USP35: variants seen among roughly 807,000 people sequenced by gnomAD.
USP35 encodes the protein ubiquitin carboxyl-terminal hydrolase 35.
A neutral mutation model predicts 83.8 loss-of-function variants in USP35; 69 were observed. That is an observed-to-expected ratio of 0.82 (90% CI 0.68 to 1.01). The LOEUF (loss-of-function observed/expected upper bound fraction) is 1.01, where lower values mean the gene tolerates loss of function less well. Ranked by LOEUF, USP35 falls within the 50% of genes least tolerant of loss-of-function variation. The probability of loss-of-function intolerance (pLI) is 0.00; values close to 1 mark genes in which losing one functional copy is unlikely to be tolerated. For missense variants in USP35, 1,503 were observed against 1,362.5 expected, an observed-to-expected ratio of 1.10 and a Z score of -1.62; for synonymous variants, 714 against 589.5, an observed-to-expected ratio of 1.21 and a Z score of -3.06.
At chr11:78,207,765 T>A in intron 8 of USP35, 142 bp downstream of exon 8, 1 of 854,630 alleles carries the variant, frequency 1.2e-6, no homozygotes, top group Non-Finnish European at 1.8e-6. Context: ...CGGGCTGGCA[T>A]ATGGAACTGA....
In USP35 at chr11:78,205,971, C is replaced by T; in HGVS notation, c.1327C>T (p.Leu443Phe). 1.9e-6 allele frequency: 3 copies of T among 1,614,238 alleles called. No homozygotes were observed. The highest frequency in any genetic ancestry group is 2.5e-6 in the Non-Finnish European group (3 of 1,180,042). ...MAKSDTGKIG[L>F]INLGNTCYVN... Reference sequence around the variant, plus strand: ...CAAGTCAGACACGGGCAAGATTGGTCTCATCAACCTGGGCAACACATGCTA... The same window carrying T: ...CAAGTCAGACACGGGCAAGATTGGTTTCATCAACCTGGGCAACACATGCTA... Residue 443 changes from leucine to phenylalanine, a missense_variant, in exon 7 of 11, where the codon CTC becomes TTC. Leu to Phe is a conservative substitution (Grantham distance 22). Transcript: ENST00000529308.
intron 5 of USP35, 127 bp downstream of exon 5, chr11:78,200,361 G>A: frequency 8.7e-7 from 1 of 1,154,404 alleles, no homozygotes; most frequent in Non-Finnish European, 1.3e-6. Flanking sequence ...TCACTTGGCT[G>A]AGGCCAAGCA....
chr11:78,230,576 AC>A, the USP35 span, among the ~76,000 whole-genome samples: 8 of 152,220 alleles, frequency 5.3e-5, no homozygotes, highest in East Asian at 1.5e-3. Context: ...GTGTCTTTCC[AC>A]TTCTACCAGA....
rs202023946 is a variant in USP35 at position 78,209,677 on chromosome 11, C to T, written c.1822C>T (p.Arg608Cys). The T allele has an allele frequency of 8.0e-4, 1,285 of 1,613,904 alleles. 2 individuals are homozygous for T. Among genetic ancestry groups the T allele is most frequent in the South Asian group, 2.3e-3 (213 of 91,050 alleles). The change falls in exon 10 of 11, where the codon CGC becomes TGC. Residue 608 changes from arginine to cysteine, a missense_variant. Physicochemically the swap from Arg to Cys is radical, Grantham distance 180. Coordinates refer to ENST00000529308, the MANE Select transcript of USP35 (RefSeq NM_020798.4). The stretch of plus-strand genomic sequence containing the variant: ...CTTCCCTCCTCCTGAGCGCTGTCGC[C>T]GCCGCCGCCTGGGCTCTGTGATGCG... ...LAFPPPERCR[R>C]RRLGSVMRPT... is the part of the protein sequence containing the mutation.
At chr11:78,197,426 C>G (rs1863187889) in intron 2 of USP35, among the ~76,000 whole-genome samples, 1 of 152,082 alleles carries the variant, frequency 6.6e-6, no homozygotes, top group Non-Finnish European at 1.5e-5. Context: ...CTTGATCCTC[C>G]ATTGACAACA....
intron 6 of USP35, among the ~76,000 whole-genome samples, chr11:78,203,024 G>A (rs1189640030): frequency 2.0e-5 from 3 of 152,132 alleles, no homozygotes; most frequent in Admixed American, 6.5e-5. Context: ...CCTGCCCCGG[G>A]CACTGAGGAA....
Position 78,213,877 on chromosome 11 carries a change from T to C in USP35, c.*64T>C, listed in dbSNP as rs942369595. The stretch of plus-strand genomic sequence containing the variant: ...GCCAGGTAGGGCCTGAGGGAAGCTG[T>C]GGAGGCAGGCCCTACCAAGAGGAAG... On this transcript the variant is annotated 3_prime_UTR_variant, in exon 11 of 11. Transcript: ENST00000529308. The C allele has an allele frequency of 5.9e-6, 9 of 1,515,924 alleles. No individual in the cohort carries two copies. In the African/African-American group the frequency reaches 1.2e-4, roughly 20 times the overall value. 93.9% of individuals were successfully genotyped at this position (1,515,924 alleles called of 1,614,324 possible).
chr11:78,200,035 G>C lies in USP35; in HGVS notation c.937-98G>C, dbSNP rs1200463000. ...AGTGTTGATCCCTCTGCATGGGTTT[G>C]AACTCTAGGGTGTCTCTGAGTCCCC... On this transcript the variant is annotated intron_variant, in intron 4 of 10. Transcript: ENST00000529308. 17 of 1,336,654 alleles carry C rather than the reference G, an allele frequency of 1.3e-5. No individual in the cohort carries two copies. In the African/African-American group the frequency reaches 2.2e-4, roughly 17 times the overall value. The allele number at this position is 1,336,654 out of a possible 1,614,324, so 82.8% of individuals were successfully genotyped here.
chr11:78,223,580 G>C, the USP35 span: 16 of 1,613,592 alleles, frequency 9.9e-6, no homozygotes, highest in Non-Finnish European at 1.3e-5. Context: ...TCACCTGCTC[G>C]TTCCATGGCC....
intron 6 of USP35, 56 bp from the exon 7 acceptor site, chr11:78,205,786 T>G: frequency 6.4e-7 from 1 of 1,555,856 alleles, no homozygotes; most frequent in Non-Finnish European, 8.7e-7. Flanking sequence ...AGGTGGTAGT[T>G]TTTTGAGCTG....
Position 78,189,088 on chromosome 11 carries a change from G to C in USP35, c.-80G>C. On this transcript the variant is annotated 5_prime_UTR_variant, in exon 1 of 11. Coordinates refer to ENST00000529308, the MANE Select transcript of USP35 (RefSeq NM_020798.4). ...AGAGGACCAGCCCTGACCTAGCCGG[G>C]CCCAGCCTCGTCCTGCCCGGCCTGA... is the stretch of plus-strand genomic sequence containing the variant. 2.0e-6 allele frequency: 1 copy of C among 510,338 alleles called. No homozygotes were observed. The highest frequency in any genetic ancestry group is 2.5e-6 in the Non-Finnish European group (1 of 395,696). The allele number at this position is 510,338 out of a possible 1,614,324, so 31.6% of individuals were successfully genotyped here.
At position 78,209,941 on chromosome 11, in the gene USP35, G is replaced by A; in HGVS notation, c.2086G>A (p.Glu696Lys). 6.2e-7 allele frequency: 1 copy of A among 1,607,304 alleles called. No homozygotes were observed. Among genetic ancestry groups the A allele is most frequent in the South Asian group, 1.1e-5 (1 of 90,360 alleles). The change falls in exon 10 of 11, where the codon GAG (glutamate) becomes AAG (lysine). Residue 696 changes from glutamate (E) to lysine (K), a missense_variant. Coordinates refer to ENST00000529308, the MANE Select transcript of USP35 (RefSeq NM_020798.4). Reference protein sequence around the residue: ...ERTEKEEVGEEEESTRGEGER... With the variant: ...ERTEKEEVGEKEESTRGEGER... ...AACGGAGAAGGAAGAAGTGGGGGAGGAGGAGGAAAGCACCAGAGGGGAAGG... is the reference window on the plus strand; with the variant it reads ...AACGGAGAAGGAAGAAGTGGGGGAGAAGGAGGAAAGCACCAGAGGGGAAGG...
chr11:78,202,149 TGA>T (rs1262234331), intron 6 of USP35, among the ~76,000 whole-genome samples: 3 of 152,014 alleles, frequency 2.0e-5, no homozygotes, highest in Non-Finnish European at 2.9e-5. Flanking sequence ...AGTGCGTGGC[TGA>T]GATGGCCAAT....
chr11:78,203,539 A>G (rs911243144), intron 6 of USP35, among the ~76,000 whole-genome samples: 1 of 152,182 alleles, frequency 6.6e-6, no homozygotes, highest in African/African-American at 2.4e-5. Flanking sequence ...AGACTCAAGT[A>G]TGTATGTCGT....
the USP35 span, among the ~76,000 whole-genome samples, chr11:78,231,335 T>TGTGGTGTG: frequency 1.1e-5 from 1 of 89,668 alleles, no homozygotes; most frequent in African/African-American, 4.0e-5. Flanking sequence ...CGCGCGTGTG[T>TGTGGTGTG]GGTGTGTGTG....
rs200565562 is a variant in USP35 at position 78,200,150 on chromosome 11, G to A, written c.954G>A (p.Leu318=). 4.3e-6 allele frequency: 7 copies of A among 1,614,194 alleles called. No individual in the cohort carries two copies. The highest frequency in any genetic ancestry group is 5.1e-6 in the Non-Finnish European group (6 of 1,180,020). The change falls in exon 5 of 11, where the codon CTG becomes CTA. Residue 318 remains leucine (L), a synonymous_variant. Transcript: ENST00000529308. ...TCTTGTAGGTTTTCTCTAAGCTGCT[G>A]TACCCCATCGTCCGGGGAGCTGCCT... ...TKIEKVFSKL[L]YPIVRGAALS...
rs763363611 is a variant in USP35, at chr11:78,213,641, C to T, written c.2890-5C>T. 2.7e-6 allele frequency: 4 copies of T among 1,480,642 alleles called. No individual in the cohort carries two copies. Among genetic ancestry groups the T allele is most frequent in the African/African-American group, 1.5e-5 (1 of 67,880 alleles). The allele number at this position is 1,480,642 out of a possible 1,614,324, so 91.7% of individuals were successfully genotyped here. ...GTCTAAGTCTCCTCTCATCTGTGTTCCCAGGAGCAGGAGAAGGAGGCCCGG... is the reference window on the plus strand; with the variant it reads ...GTCTAAGTCTCCTCTCATCTGTGTTTCCAGGAGCAGGAGAAGGAGGCCCGG... On this transcript the variant is annotated splice_polypyrimidine_tract_variant and splice_region_variant and intron_variant, in intron 10 of 10. Coordinates refer to ENST00000529308, the MANE Select transcript of USP35 (RefSeq NM_020798.4).
At chr11:78,205,504 G>A (rs1863503237) in intron 6 of USP35, among the ~76,000 whole-genome samples, 1 of 152,196 alleles carries the variant, frequency 6.6e-6, no homozygotes, top group African/African-American at 2.4e-5. Flanking sequence ...CATTGCCTGA[G>A]CTCTTTTATA....
rs200906718 is a variant in USP35, at chr11:78,209,756, G to C, written c.1901G>C (p.Gly634Ala). 1 of 1,613,898 alleles carries C rather than the reference G, an allele frequency of 6.2e-7. No homozygotes were observed. Among genetic ancestry groups the C allele is most frequent in the Non-Finnish European group, 8.5e-7 (1 of 1,179,984 alleles). Residue 634 changes from glycine to alanine, a missense_variant, in exon 10 of 11, where the codon GGG becomes GCG. By Grantham distance (60) the Gly-to-Ala change is moderately conservative. Coordinates refer to ENST00000529308, the MANE Select transcript of USP35 (RefSeq NM_020798.4). ...RELPPPTSAQ[G>A]PGRVGPRRQR... ...TTGCCCCCACCAACCAGTGCACAGG[G>C]GCCAGGCAGGGTGGGTCCTCGGAGG...
Sources: allele counts gnomAD v4.1 joint callset (sites outside exome capture counted in the v4.1 genomes callset), GRCh38; gene constraint gnomAD v4.1.1; transcripts MANE v1.5; gene names NCBI Gene and HGNC (gene_info 2026-07-23, HGNC 2026-07-21).